The following CHRDL1 variants were observed in gnomAD, a reference collection of about 807,000 sequenced individuals.
CHRDL1 encodes chordin like 1.
CHRDL1 carries 19 observed loss-of-function variants against 40.9 expected under a neutral mutation model. The observed-to-expected ratio is 0.46, with a 90% CI of 0.32 to 0.68. CHRDL1 has a LOEUF of 0.68. CHRDL1 is among the 30% of genes least tolerant of loss of function. CHRDL1 has a pLI of 0.03. For synonymous variants in CHRDL1, 136 were observed against 123.4 expected (o/e 1.10, Z -0.68); for missense variants, 329 against 352.1 (o/e 0.93, Z 0.53).
At chrX:110,716,274 A>G (rs1215753443) in intron 6 of CHRDL1, among the ~76,000 whole-genome samples, 1 of 110,922 alleles carries the variant, frequency 9.0e-6, no homozygotes, top group Admixed American at 9.7e-5. Flanking sequence ...AAAAATGCAC[A>G]ACAACCATAT....
intron 8 of CHRDL1, among the ~76,000 whole-genome samples, chrX:110,690,876 G>A (rs2070261310): frequency 9.0e-6 from 1 of 111,429 alleles, no homozygotes; most frequent in South Asian, 3.8e-4. Flanking sequence ...TAAGTGGGAA[G>A]TTAAGTCATT....
intron 2 of CHRDL1, among the ~76,000 whole-genome samples, chrX:110,781,947 C>A (rs866762965): frequency 1.8e-5 from 2 of 111,736 alleles, no homozygotes; most frequent in South Asian, 7.5e-4. Flanking sequence ...CACAGATAAC[C>A]CAACTAACTG....
chrX:110,744,136 C>T (rs197037), intron 4 of CHRDL1, among the ~76,000 whole-genome samples: 12,293 of 112,038 alleles, frequency 0.11, 1,631 homozygotes, highest in African/African-American at 0.38. Context: ...AACAGTCTTA[C>T]TGCAAAGGGT....
At position 110,792,208 on chromosome X, in the gene CHRDL1, C is replaced by G; in HGVS notation, c.-27G>C. On this transcript the variant is annotated 5_prime_UTR_variant, in exon 2 of 12. Coordinates refer to ENST00000372042, the MANE Select transcript of CHRDL1 (RefSeq NM_001143981.2). The stretch of plus-strand genomic sequence containing the variant: ...TGGACCACTGCAAAAGGTGACAGAA[C>G]CTTCAAGCTGTTGGGAAGAAAGCAG... 1.1e-6 allele frequency: 1 copy of G among 928,613 alleles called. No individual in the cohort carries two copies. The highest frequency in any genetic ancestry group is 1.5e-6 in the Non-Finnish European group (1 of 650,888). 76.5% of individuals were successfully genotyped at this position (928,613 alleles called of 1,213,427 possible).
chrX:110,745,094 C>T (rs1263643626), intron 4 of CHRDL1, among the ~76,000 whole-genome samples: 3 of 111,295 alleles, frequency 2.7e-5, no homozygotes, highest in Non-Finnish European at 5.7e-5. Flanking sequence ...GAACAAAGCT[C>T]CTCTGCCCTA....
At chrX:110,788,979 C>A (rs2043957955) in intron 2 of CHRDL1, among the ~76,000 whole-genome samples, 1 of 110,873 alleles carries the variant, frequency 9.0e-6, no homozygotes, top group African/African-American at 3.3e-5. Flanking sequence ...AATAAGAAAT[C>A]CAGAAGCCAT....
intron 4 of CHRDL1, 140 bp downstream of exon 4, chrX:110,759,521 G>A: frequency 2.1e-6 from 1 of 487,479 alleles, no homozygotes; most frequent in Non-Finnish European, 3.7e-6. Flanking sequence ...AGTATTTAGA[G>A]GCCAGTTTGG....
rs2069776323 is a variant in CHRDL1 at position 110,676,305 on chromosome X, G to A, written c.1303C>T (p.Arg435Cys). 5 of 1,206,136 alleles carry A rather than the reference G, an allele frequency of 4.1e-6. No homozygotes were observed. Among genetic ancestry groups the A allele is most frequent in the African/African-American group, 1.8e-5 (1 of 57,053 alleles). The part of the protein sequence containing the change: ...EAQISQMCSS[R>C]VCRTELEDLV... Reference sequence around the variant, plus strand: ...TCTTCAAGCTCTGTTCTGCATACACGACTTGAACACATCTGGCTGATCTGA... The same window carrying A: ...TCTTCAAGCTCTGTTCTGCATACACAACTTGAACACATCTGGCTGATCTGA... Residue 435 changes from arginine to cysteine, a missense_variant, in exon 12 of 12, where the codon CGT (arginine) becomes TGT (cysteine). By Grantham distance (180) the Arg-to-Cys change is radical. Transcript: ENST00000372042.
chrX:110,694,050 A>G, intron 8 of CHRDL1, 113 bp downstream of exon 8: 1 of 584,018 alleles, frequency 1.7e-6, no homozygotes, highest in Non-Finnish European at 2.7e-6. Flanking sequence ...GTGAGCCACA[A>G]GTGAATATGG....
chrX:110,682,587 T>C (rs999344089), intron 9 of CHRDL1, among the ~76,000 whole-genome samples: 9 of 112,575 alleles, frequency 8.0e-5, no homozygotes, highest in Non-Finnish European at 1.7e-4. Context: ...TCTGTAAGAA[T>C]ATCTGAATTG....
intron 2 of CHRDL1, among the ~76,000 whole-genome samples, chrX:110,786,131 T>C (rs997662659): frequency 8.9e-6 from 1 of 112,195 alleles, no homozygotes; most frequent in Non-Finnish European, 1.9e-5. Flanking sequence ...TCTCTGTAGA[T>C]GAAACTGTAA....
At chrX:110,739,073 A>T (rs1294267708) in intron 4 of CHRDL1, among the ~76,000 whole-genome samples, 4 of 111,944 alleles carry the variant, frequency 3.6e-5, no homozygotes, top group Non-Finnish European at 7.5e-5. Flanking sequence ...TTATGAAGTA[A>T]AATGTAAGGA....
intron 4 of CHRDL1, among the ~76,000 whole-genome samples, chrX:110,758,307 A>G (rs1455898084): frequency 9.4e-6 from 1 of 106,863 alleles, no homozygotes; most frequent in Non-Finnish European, 1.9e-5. Flanking sequence ...TTATTCCAAA[A>G]AAAACCCAAC....
chrX:110,698,596 A>G (rs913458130), intron 7 of CHRDL1, among the ~76,000 whole-genome samples: 2 of 112,242 alleles, frequency 1.8e-5, no homozygotes, highest in East Asian at 2.8e-4. Flanking sequence ...TTGAAAATCA[A>G]TAACTATTTC....
chrX:110,688,408 G>A (rs2070070278), intron 9 of CHRDL1, among the ~76,000 whole-genome samples, 186 bp downstream of exon 9: 1 of 111,846 alleles, frequency 8.9e-6, no homozygotes, highest in Non-Finnish European at 1.9e-5. Context: ...ATATTTCTGG[G>A]TAGTAAATTT....
chrX:110,759,884 AT>A, intron 3 of CHRDL1, 130 bp from the exon 4 acceptor site: 1 of 494,930 alleles, frequency 2.0e-6, no homozygotes, highest in Non-Finnish European at 3.7e-6. Flanking sequence ...AGCTGAATGC[AT>A]TCAACATTTT....
intron 4 of CHRDL1, among the ~76,000 whole-genome samples, chrX:110,730,320 C>T (rs2071134884): frequency 2.7e-5 from 3 of 110,780 alleles, no homozygotes; most frequent in African/African-American, 9.9e-5. Flanking sequence ...CTTTTATGCC[C>T]CAGCTCCTGG....
intron 4 of CHRDL1, among the ~76,000 whole-genome samples, chrX:110,744,571 T>C (rs1006888681): frequency 1.8e-5 from 2 of 111,477 alleles, no homozygotes; most frequent in African/African-American, 6.5e-5. Context: ...GTTCCATGAG[T>C]AGAGATGGAG....
At chrX:110,695,576 TG>T (rs1397513028) in intron 7 of CHRDL1, among the ~76,000 whole-genome samples, 1 of 112,094 alleles carries the variant, frequency 8.9e-6, no homozygotes, top group African/African-American at 3.3e-5. Flanking sequence ...TATAGGCAAT[TG>T]TTAGGGGTGA....
Sources: allele counts gnomAD v4.1 joint callset (sites outside exome capture counted in the v4.1 genomes callset), GRCh38; gene constraint gnomAD v4.1.1; transcripts MANE v1.5; gene names NCBI Gene and HGNC (gene_info 2026-07-23, HGNC 2026-07-21).